The following MACROD2 variants were observed in gnomAD, a reference collection of about 807,000 sequenced individuals.
The protein encoded by MACROD2 is ADP-ribose glycohydrolase MACROD2.
In MACROD2, 36 loss-of-function variants were observed where a neutral mutation model predicts 70.4. The observed-to-expected ratio is 0.51, with a 90% confidence interval of 0.39 to 0.68. The LOEUF is 0.68. Among genes scored for constraint, MACROD2 ranks in the 30% least tolerant of loss-of-function variants. The pLI is 0.00. For synonymous variants in MACROD2, 172 were observed against 178.8 expected (o/e 0.96, Z 0.30); for missense variants, 496 against 538.4 (o/e 0.92, Z 0.78).
chr20:15,568,567 A>G (rs1054759279), intron 8 of MACROD2, among the ~76,000 whole-genome samples: 3 of 152,208 alleles, frequency 2.0e-5, no homozygotes, highest in Non-Finnish European at 4.4e-5. Context: ...AGAGAGCAGT[A>G]GCAGGGCACA....
chr20:14,529,687 C>T (rs964112095), intron 4 of MACROD2, among the ~76,000 whole-genome samples: 3 of 151,950 alleles, frequency 2.0e-5, no homozygotes, highest in African/African-American at 7.3e-5. Flanking sequence ...TTCCCAGAGG[C>T]ACATAGTCAT....
chr20:15,812,550 C>T (rs2063832091), intron 8 of MACROD2, among the ~76,000 whole-genome samples: 1 of 149,044 alleles, frequency 6.7e-6, no homozygotes, highest in South Asian at 2.1e-4. Context: ...GAATCCAGTT[C>T]TTGGTATATT....
chr20:15,061,051 G>A (rs2123079463), intron 5 of MACROD2, among the ~76,000 whole-genome samples: 1 of 152,302 alleles, frequency 6.6e-6, no homozygotes, highest in South Asian at 2.1e-4. Context: ...AAGATGGTAT[G>A]AAATTGCTGA....
chr20:15,280,543 T>C (rs1450377416), intron 6 of MACROD2, among the ~76,000 whole-genome samples: 1 of 152,222 alleles, frequency 6.6e-6, no homozygotes, highest in Non-Finnish European at 1.5e-5. Flanking sequence ...TGTGGAATTA[T>C]GGACATTGGT....
chr20:14,828,907 T>TG (rs1317265129), intron 5 of MACROD2, among the ~76,000 whole-genome samples: 2 of 152,050 alleles, frequency 1.3e-5, no homozygotes, highest in African/African-American at 4.8e-5. Context: ...TTCCCCTTTT[T>TG]GCCCACAACT....
chr20:14,442,270 A>AAAAC (rs1309810719), intron 3 of MACROD2, among the ~76,000 whole-genome samples: 4 of 152,166 alleles, frequency 2.6e-5, no homozygotes, highest in South Asian at 2.1e-4. Context: ...ACTCCATGTC[A>AAAAC]AAACAAACAA....
intron 5 of MACROD2, among the ~76,000 whole-genome samples, chr20:15,072,394 G>T (rs892534696): frequency 3.9e-5 from 6 of 152,270 alleles, no homozygotes; most frequent in African/African-American, 1.2e-4. Context: ...GAATCATCTA[G>T]ATAGTAGAGG....
chr20:14,009,482 G>A (rs967036530), intron 2 of MACROD2, among the ~76,000 whole-genome samples: 4 of 152,162 alleles, frequency 2.6e-5, no homozygotes, highest in Non-Finnish European at 5.9e-5. Flanking sequence ...AGATGCTGGC[G>A]AGGTTATAGA....
intron 8 of MACROD2, among the ~76,000 whole-genome samples, chr20:15,855,844 T>G (rs1022599290): frequency 3.3e-5 from 5 of 152,244 alleles, no homozygotes; most frequent in African/African-American, 1.2e-4. Context: ...GCCCGTATTA[T>G]TTTGTATGGT....
chr20:14,632,383 A>G (rs1984561876), intron 4 of MACROD2, among the ~76,000 whole-genome samples: 1 of 152,178 alleles, frequency 6.6e-6, no homozygotes, highest in Non-Finnish European at 1.5e-5. Flanking sequence ...ATATGATTGG[A>G]TAGGTAAAAA....
intron 4 of MACROD2, among the ~76,000 whole-genome samples, chr20:14,554,689 A>G (rs895010220): frequency 2.0e-5 from 3 of 152,152 alleles, no homozygotes; most frequent in African/African-American, 7.2e-5. Context: ...AGAGATATGT[A>G]TGAGAGAATC....
chr20:14,862,008 T>C (rs1206435040), intron 5 of MACROD2, among the ~76,000 whole-genome samples: 1 of 26,900 alleles, frequency 3.7e-5, no homozygotes, highest in East Asian at 6.8e-4. Context: ...TATATATTTA[T>C]ATATATATAT....
chr20:15,296,468 A>T (rs934451592), intron 6 of MACROD2, among the ~76,000 whole-genome samples: 1 of 152,216 alleles, frequency 6.6e-6, no homozygotes, highest in South Asian at 2.1e-4. Flanking sequence ...TCATAATTAT[A>T]TGATGTTTCT....
intron 6 of MACROD2, among the ~76,000 whole-genome samples, chr20:15,330,197 T>G (rs1305438957): frequency 1.3e-5 from 2 of 152,126 alleles, no homozygotes; most frequent in Non-Finnish European, 2.9e-5. Flanking sequence ...AATCTGCATT[T>G]ATTTAATATC....
At chr20:14,794,863 A>G (rs558489898) in intron 5 of MACROD2, among the ~76,000 whole-genome samples, 33 of 152,054 alleles carry the variant, frequency 2.2e-4, no homozygotes, top group Non-Finnish European at 3.4e-4. Context: ...AACAATGTAA[A>G]AGTGCACAAA....
rs534333556 is a variant in MACROD2 at position 15,697,219 on chromosome 20, T to C, written c.646-165526T>C. Reference sequence around the variant, plus strand: ...TATGAACTTTCCTCTTAGCACTCCCTTTGCTGTATCCCAGAGATTTTGATA... The same window carrying C: ...TATGAACTTTCCTCTTAGCACTCCCCTTGCTGTATCCCAGAGATTTTGATA... On this transcript the variant is annotated intron_variant, in intron 8 of 17. Transcript: ENST00000684519. Among the ~76,000 whole-genome samples, 14 of 152,312 alleles carry C rather than the reference T, an allele frequency of 9.2e-5. No homozygotes were observed. The South Asian group carries it at 2.9e-3, about 32-fold the overall frequency.
intron 8 of MACROD2, among the ~76,000 whole-genome samples, chr20:15,788,069 C>CTCAAATCCAT (rs2051961241): frequency 6.6e-6 from 1 of 152,170 alleles, no homozygotes; most frequent in Non-Finnish European, 1.5e-5. Context: ...TATCCACAGG[C>CTCAAATCCAT]AGCTCATTTG....
intron 4 of MACROD2, among the ~76,000 whole-genome samples, chr20:14,547,993 C>T (rs190632277): frequency 3.3e-3 from 505 of 152,262 alleles, no homozygotes; most frequent in Middle Eastern, 0.01. Context: ...ATATTACTTC[C>T]ACTGCATTTG....
intron 8 of MACROD2, among the ~76,000 whole-genome samples, chr20:15,525,039 C>T (rs1303445331): frequency 1.3e-5 from 2 of 152,168 alleles, no homozygotes; most frequent in African/African-American, 4.8e-5. Context: ...CTGCGATTGC[C>T]CCACTGGCTT....
Sources: allele counts gnomAD v4.1 joint callset (sites outside exome capture counted in the v4.1 genomes callset), GRCh38; gene constraint gnomAD v4.1.1; transcripts MANE v1.5; gene names NCBI Gene and HGNC (gene_info 2026-07-23, HGNC 2026-07-21).